Variants in SLC16A2 observed in about 807,000 individuals in gnomAD.
SLC16A2 encodes the protein solute carrier family 16 member 2.
A neutral mutation model predicts 27.2 loss-of-function variants in SLC16A2; 3 were observed. The ratio of observed to expected loss-of-function variants is 0.11; its 90% CI spans 0.05 to 0.28. The LOEUF (loss-of-function observed/expected upper bound fraction) is 0.28, where lower values mean the gene tolerates loss of function less well. SLC16A2 is among the 10% of genes least tolerant of loss of function. The pLI is 1.00. For missense variants in SLC16A2, 295 were observed against 458.5 expected, an observed-to-expected ratio of 0.64 and a Z score of 3.26; for synonymous variants, 202 against 187.8, an observed-to-expected ratio of 1.08 and a Z score of -0.62.
intron 1 of SLC16A2, among the ~76,000 whole-genome samples, chrX:74,510,433 G>A (rs1256777189): frequency 2.7e-5 from 3 of 111,807 alleles, no homozygotes; most frequent in Non-Finnish European, 5.6e-5. Context: ...AGCTACTAAA[G>A]TAGATAACTG....
At chrX:74,470,026 T>C (rs1336108843) in intron 1 of SLC16A2, among the ~76,000 whole-genome samples, 1 of 111,889 alleles carries the variant, frequency 8.9e-6, no homozygotes, top group Non-Finnish European at 1.9e-5. Context: ...ACTGTCTCCA[T>C]AGTTTTGCTT....
chrX:74,422,009 C>G lies in SLC16A2; in HGVS notation c.372C>G (p.Leu124=). 2.5e-6 allele frequency: 3 copies of G among 1,210,806 alleles called. No homozygotes were observed. Among genetic ancestry groups the G allele is most frequent in the Non-Finnish European group, 3.4e-6 (3 of 895,460 alleles). Residue 124 remains leucine, a synonymous_variant, in exon 1 of 6, where the codon CTC becomes CTG. Transcript: ENST00000587091. ...IFGIHNSVGI[L]YSMLLEEEKE... is the part of the protein sequence containing the mutation. ...GCATCCATAACTCTGTCGGGATCCTCTACTCCATGCTGCTAGAGGAGGAAA... is the reference window on the plus strand; with the variant it reads ...GCATCCATAACTCTGTCGGGATCCTGTACTCCATGCTGCTAGAGGAGGAAA...
chrX:74,465,392 G>A (rs1292495264), intron 1 of SLC16A2, among the ~76,000 whole-genome samples: 1 of 110,784 alleles, frequency 9.0e-6, no homozygotes, highest in Non-Finnish European at 1.9e-5. Flanking sequence ...CTATGGCAGA[G>A]AAAGGCAGGG....
chrX:74,523,252 T>C (rs929130187), intron 2 of SLC16A2, among the ~76,000 whole-genome samples: 17 of 112,248 alleles, frequency 1.5e-4, no homozygotes, highest in African/African-American at 5.5e-4. Flanking sequence ...GTCCAGTGAA[T>C]ACCAGCAGAT....
intron 5 of SLC16A2, among the ~76,000 whole-genome samples, chrX:74,530,747 A>G (rs1930555755): frequency 8.9e-6 from 1 of 111,751 alleles, no homozygotes; most frequent in African/African-American, 3.3e-5. Context: ...GAGGTACCAC[A>G]TATTAGCTTC....
chrX:74,445,857 A>G (rs1435562372), intron 1 of SLC16A2, among the ~76,000 whole-genome samples: 2 of 109,909 alleles, frequency 1.8e-5, no homozygotes, highest in Non-Finnish European at 3.8e-5. Context: ...GGGCAAAGCC[A>G]GGATCCACTG....
At chrX:74,437,148 C>T (rs1011275621) in intron 1 of SLC16A2, among the ~76,000 whole-genome samples, 1 of 112,354 alleles carries the variant, frequency 8.9e-6, no homozygotes, top group Non-Finnish European at 1.9e-5. Context: ...TGCCAAGCCT[C>T]GTGACCTCCT....
chrX:74,498,559 T>C (rs757242252), intron 1 of SLC16A2, among the ~76,000 whole-genome samples: 2 of 111,725 alleles, frequency 1.8e-5, no homozygotes, highest in African/African-American at 6.5e-5. Flanking sequence ...GGAGACTGAT[T>C]TGAGTAATAA....
intron 1 of SLC16A2, among the ~76,000 whole-genome samples, chrX:74,436,943 C>G (rs929030617): frequency 1.8e-5 from 2 of 112,522 alleles, no homozygotes; most frequent in Non-Finnish European, 3.8e-5. Context: ...TCCTGCTTCA[C>G]TGGTGCCCTA....
chrX:74,466,754 T>C (rs1461885119), intron 1 of SLC16A2, among the ~76,000 whole-genome samples: 1 of 112,067 alleles, frequency 8.9e-6, no homozygotes, highest in Admixed American at 9.4e-5. Flanking sequence ...CTCTGTTACT[T>C]TCCTCACCAA....
chrX:74,466,098 G>A (rs1929245526), intron 1 of SLC16A2, among the ~76,000 whole-genome samples: 1 of 111,514 alleles, frequency 9.0e-6, no homozygotes, highest in Admixed American at 9.6e-5. Context: ...CAGGCCCACA[G>A]GGTTTCAGGA....
chrX:74,463,488 G>T (rs1442732651), intron 1 of SLC16A2, among the ~76,000 whole-genome samples: 2 of 111,450 alleles, frequency 1.8e-5, no homozygotes, highest in East Asian at 5.6e-4. Context: ...ATGCATAACT[G>T]ATGTACAATA....
chrX:74,431,539 G>T (rs916831386), intron 1 of SLC16A2, among the ~76,000 whole-genome samples: 2 of 111,647 alleles, frequency 1.8e-5, no homozygotes, highest in African/African-American at 6.5e-5. Context: ...CTAGCTGGGT[G>T]ACAGGATCAT....
chrX:74,453,327 G>C (rs1339371284), intron 1 of SLC16A2, among the ~76,000 whole-genome samples: 3 of 111,010 alleles, frequency 2.7e-5, no homozygotes, highest in Non-Finnish European at 5.7e-5. Flanking sequence ...GAGCCAACAT[G>C]CCTGGCAGCA....
At chrX:74,462,535 G>A (rs956422147) in intron 1 of SLC16A2, among the ~76,000 whole-genome samples, 1 of 111,558 alleles carries the variant, frequency 9.0e-6, no homozygotes, top group African/African-American at 3.3e-5. Context: ...GGCCGGGCTG[G>A]TCTTAAACTC....
chrX:74,528,534 G>A (rs138493991), intron 4 of SLC16A2, among the ~76,000 whole-genome samples: 1 of 111,327 alleles, frequency 9.0e-6, no homozygotes, highest in East Asian at 2.8e-4. Flanking sequence ...CCCCTGGAAG[G>A]CTCCTCTGTT....
At chrX:74,466,300 A>G (rs902621011) in intron 1 of SLC16A2, among the ~76,000 whole-genome samples, 2 of 111,286 alleles carry the variant, frequency 1.8e-5, no homozygotes, top group African/African-American at 3.3e-5. Context: ...CTGACTCCCT[A>G]CTTACCATTC....
At chrX:74,438,762 C>T (rs1928671068) in intron 1 of SLC16A2, among the ~76,000 whole-genome samples, 1 of 111,745 alleles carries the variant, frequency 8.9e-6, no homozygotes, top group Non-Finnish European at 1.9e-5. Flanking sequence ...CCACTTGATA[C>T]TGATAATGTC....
intron 1 of SLC16A2, among the ~76,000 whole-genome samples, chrX:74,452,071 C>T (rs769052168): frequency 1.9e-4 from 21 of 112,514 alleles, no homozygotes; most frequent in Non-Finnish European, 3.8e-4. Flanking sequence ...GGTCCTTGAC[C>T]CCTTTGGATC....
Sources: allele counts gnomAD v4.1 joint callset (sites outside exome capture counted in the v4.1 genomes callset), GRCh38; gene constraint gnomAD v4.1.1; transcripts MANE v1.5; gene names NCBI Gene and HGNC (gene_info 2026-07-23, HGNC 2026-07-21).